VWC2L: variants seen among roughly 807,000 people sequenced by gnomAD.
VWC2L encodes the protein von Willebrand factor C domain-containing protein 2-like.
A neutral mutation model predicts 21.6 loss-of-function variants in VWC2L; 10 were observed. The observed-to-expected ratio is 0.46, with a 90% CI of 0.29 to 0.78. VWC2L has a LOEUF of 0.78. VWC2L is among the 30% of genes least tolerant of loss of function. The probability of loss-of-function intolerance (pLI) is 0.10; values close to 1 mark genes in which losing one functional copy is unlikely to be tolerated. For missense variants in VWC2L, 209 were observed against 277.1 expected (o/e 0.75, Z 1.74); for synonymous variants, 96 against 94.3 (o/e 1.02, Z -0.10).
chr2:214,434,409 C>T (rs1246131767), intron 2 of VWC2L, among the ~76,000 whole-genome samples: 1 of 152,156 alleles, frequency 6.6e-6, no homozygotes, highest in African/African-American at 2.4e-5. Context: ...AGTTAAAAAG[C>T]TCTAAGTTTC....
chr2:214,496,909 T>C (rs1688820903), intron 3 of VWC2L, among the ~76,000 whole-genome samples: 1 of 152,202 alleles, frequency 6.6e-6, no homozygotes, highest in Non-Finnish European at 1.5e-5. Context: ...TGGTCCTTCA[T>C]ATGTGCATGT....
intron 3 of VWC2L, among the ~76,000 whole-genome samples, chr2:214,509,850 T>C (rs1689027020): frequency 6.6e-6 from 1 of 152,242 alleles, no homozygotes; most frequent in Admixed American, 6.5e-5. Flanking sequence ...GATTTATACA[T>C]ATTTTAATCA....
chr2:214,495,763 T>C (rs757576983), intron 3 of VWC2L, among the ~76,000 whole-genome samples: 1 of 152,142 alleles, frequency 6.6e-6, no homozygotes, highest in African/African-American at 2.4e-5. Flanking sequence ...GCACTAAAAC[T>C]TTCACTCTCA....
intron 3 of VWC2L, among the ~76,000 whole-genome samples, chr2:214,509,928 T>C (rs1689028088): frequency 6.6e-6 from 1 of 152,236 alleles, no homozygotes; most frequent in African/African-American, 2.4e-5. Context: ...GAATGCCATA[T>C]TAAAATGAAA....
chr2:214,575,617 G>A (rs1690217506), intron 3 of VWC2L, 55 bp from the exon 4 acceptor site: 6 of 1,593,448 alleles, frequency 3.8e-6, no homozygotes, highest in Non-Finnish European at 5.1e-6. Flanking sequence ...GGATGGTGGG[G>A]AGAAAGGGAG....
At position 214,414,528 on chromosome 2, in the gene VWC2L, T is replaced by TA; in HGVS notation, c.341dup (p.Asn114LysfsTer4). The TA allele has an allele frequency of 6.2e-7, 1 of 1,612,814 alleles. No homozygotes were observed. The highest frequency in any genetic ancestry group is 8.5e-7 in the Non-Finnish European group (1 of 1,179,536). On this transcript the variant is annotated frameshift_variant, in exon 2 of 4. Coordinates refer to ENST00000312504, the MANE Select transcript of VWC2L (RefSeq NM_001080500.4). LOFTEE classifies it high-confidence loss of function. ...GGATGCTGTCCTGAGTGCAAAGAAGTAAAAAACTTCTGTGAATATCACGGG... is the reference window on the plus strand; with the variant it reads ...GGATGCTGTCCTGAGTGCAAAGAAGTAAAAAAACTTCTGTGAATATCACGGG...
At chr2:214,546,524 AT>A (rs1689709555) in intron 3 of VWC2L, among the ~76,000 whole-genome samples, 1 of 152,148 alleles carries the variant, frequency 6.6e-6, no homozygotes, top group South Asian at 2.1e-4. Flanking sequence ...ATTGCCAGAG[AT>A]TGTTAGTTTC....
intron 3 of VWC2L, among the ~76,000 whole-genome samples, chr2:214,554,349 C>G (rs760318752): frequency 3.3e-5 from 5 of 152,154 alleles, no homozygotes; most frequent in Non-Finnish European, 7.3e-5. Context: ...GCCTGAAAAA[C>G]TAGTTCAGGC....
chr2:214,543,654 G>GA (rs373431231), intron 3 of VWC2L, among the ~76,000 whole-genome samples: 149 of 136,214 alleles, frequency 1.1e-3, no homozygotes, highest in Middle Eastern at 3.8e-3. Context: ...GGAAGAGAAA[G>GA]AAAAAAAAAA....
chr2:214,427,638 T>C (rs1300911979), intron 2 of VWC2L, among the ~76,000 whole-genome samples: 1 of 152,188 alleles, frequency 6.6e-6, no homozygotes, highest in East Asian at 1.9e-4. Flanking sequence ...TCCCTGGGTA[T>C]ACACACACAG....
intron 3 of VWC2L, among the ~76,000 whole-genome samples, chr2:214,562,475 A>C (rs1689992038): frequency 6.6e-6 from 1 of 152,162 alleles, no homozygotes; most frequent in Non-Finnish European, 1.5e-5. Flanking sequence ...TATCTTTGTA[A>C]CAGAATGATT....
intron 3 of VWC2L, among the ~76,000 whole-genome samples, chr2:214,560,343 A>G (rs554641815): frequency 6.6e-6 from 1 of 152,182 alleles, no homozygotes; most frequent in South Asian, 2.1e-4. Context: ...AAAAATAGGA[A>G]GTTTTCTGCT....
At chr2:214,569,469 T>A (rs1053092873) in intron 3 of VWC2L, among the ~76,000 whole-genome samples, 2 of 152,146 alleles carry the variant, frequency 1.3e-5, no homozygotes, top group Non-Finnish European at 2.9e-5. Flanking sequence ...AACCCTAATT[T>A]TAGCATTTTC....
intron 3 of VWC2L, among the ~76,000 whole-genome samples, chr2:214,458,220 A>T (rs575017433): frequency 6.6e-6 from 1 of 152,176 alleles, no homozygotes; most frequent in South Asian, 2.1e-4. Context: ...GTATGTTAAC[A>T]TACAGTTTTT....
In VWC2L at chr2:214,421,885, C is replaced by CTTTTTTTTTTTTTTTTT; in HGVS notation, c.390+7310_390+7326dup. On this transcript the variant is annotated intron_variant, in intron 2 of 3. Coordinates refer to ENST00000312504, the MANE Select transcript of VWC2L (RefSeq NM_001080500.4). ...CATAATTTTTTTCTATTTCCTACAT[C>CTTTTTTTTTTTTTTTTT]TTTTTTTTTTTTTTTTTTTTTTTTG... Among the ~76,000 whole-genome samples the CTTTTTTTTTTTTTTTTT allele has an allele frequency of 4.1e-3, 310 of 76,164 alleles. 51 individuals are homozygous for CTTTTTTTTTTTTTTTTT. Among genetic ancestry groups the CTTTTTTTTTTTTTTTTT allele is most frequent in the African/African-American group, 4.8e-3 (76 of 15,714 alleles). 50.0% of individuals were successfully genotyped at this position (76,164 alleles called of 152,430 possible). A position where few individuals can be genotyped will look rare whatever the true frequency, so the allele number is the denominator to read the frequency against.
At chr2:214,427,001 A>C (rs1702533577) in intron 2 of VWC2L, among the ~76,000 whole-genome samples, 1 of 152,232 alleles carries the variant, frequency 6.6e-6, no homozygotes, top group Non-Finnish European at 1.5e-5. Flanking sequence ...TTTAAAAAAC[A>C]AACTGCATTC....
rs1690256118 is a variant in VWC2L, at chr2:214,577,764, T to C, written c.*1944T>C. 6.6e-6 allele frequency: 1 copy of C among 152,210 alleles called. No homozygotes were observed. 9.4% of individuals were successfully genotyped at this position (152,210 alleles called of 1,614,324 possible). Reference sequence around the variant, plus strand: ...GCCTCTCCTCCCTGGAAGCATCTGCTGTCATCAAGAAAGAGTTGTCATTTC... The same window carrying C: ...GCCTCTCCTCCCTGGAAGCATCTGCCGTCATCAAGAAAGAGTTGTCATTTC... On this transcript the variant is annotated 3_prime_UTR_variant, in exon 4 of 4. Coordinates refer to ENST00000312504, the MANE Select transcript of VWC2L (RefSeq NM_001080500.4).
chr2:214,478,987 C>G lies in VWC2L; in HGVS notation c.520+42229C>G, dbSNP rs571766848. ...TAGGAACTCATACTGCCACACATTC[C>G]TCTCCAAAGTGAGACATGAGGGTTC... On this transcript the variant is annotated intron_variant, in intron 3 of 3. Transcript: ENST00000312504. 2.0e-5 allele frequency among the ~76,000 whole-genome samples: 3 copies of G among 152,308 alleles called. No individual in the cohort carries two copies. The South Asian group carries it at 6.2e-4, about 32-fold the overall frequency.
chr2:214,457,793 C>T (rs1703078737), intron 3 of VWC2L, among the ~76,000 whole-genome samples: 1 of 152,056 alleles, frequency 6.6e-6, no homozygotes, highest in Non-Finnish European at 1.5e-5. Context: ...GCTGATCCAT[C>T]CCTATATCTC....
Sources: gnomAD v4.1 joint callset for allele counts (sites outside exome capture counted in the v4.1 genomes callset) on GRCh38, gnomAD v4.1.1 for gene constraint, MANE v1.5 for transcripts, NCBI Gene and HGNC (gene_info 2026-07-23, HGNC 2026-07-21) for gene names.